The following ALPK1 variants were observed in gnomAD, a reference collection of about 807,000 sequenced individuals.
ALPK1 encodes alpha kinase 1.
Under a neutral mutation model 120.6 loss-of-function variants are expected in ALPK1, and 110 were observed. The ratio of observed to expected loss-of-function variants is 0.91; its 90% confidence interval spans 0.78 to 1.07. The LOEUF is 1.07. ALPK1 is among the 50% of genes least tolerant of loss of function. ALPK1 has a pLI of 0.00. For synonymous variants in ALPK1, 582 were observed against 560.3 expected, an observed-to-expected ratio of 1.04 and a Z score of -0.55; for missense variants, 1,498 against 1,483.9, an observed-to-expected ratio of 1.01 and a Z score of -0.16.
intron 1 of ALPK1, among the ~76,000 whole-genome samples, chr4:112,297,671 G>A (rs1727599387): frequency 6.6e-6 from 1 of 151,896 alleles, no homozygotes; most frequent in Non-Finnish European, 1.5e-5. Context: ...GGGGTGGAGT[G>A]GGGAAGGGGA....
chr4:112,395,173 A>G (rs1383727949), intron 4 of ALPK1, among the ~76,000 whole-genome samples: 1 of 152,204 alleles, frequency 6.6e-6, no homozygotes. Context: ...TGTTATACCC[A>G]TATTGCAGAT....
At chr4:112,393,933 T>G (rs1401782280) in intron 4 of ALPK1, among the ~76,000 whole-genome samples, 1 of 51,632 alleles carries the variant, frequency 1.9e-5, no homozygotes, top group Non-Finnish European at 3.9e-5. Flanking sequence ...GTGTGAAATA[T>G]ATATATATAT....
intron 5 of ALPK1, chr4:112,412,296 C>T: frequency 1.7e-6 from 1 of 599,088 alleles, no homozygotes; most frequent in Non-Finnish European, 3.1e-6. Flanking sequence ...TGTCTTCTAA[C>T]AAATCTGTCC....
chr4:112,376,431 T>A (rs1731665393), intron 2 of ALPK1, among the ~76,000 whole-genome samples: 1 of 152,142 alleles, frequency 6.6e-6, no homozygotes, highest in African/African-American at 2.4e-5. Context: ...ACAAAGTATA[T>A]GGAGATACGA....
intron 1 of ALPK1, among the ~76,000 whole-genome samples, chr4:112,313,023 C>T (rs1728477061): frequency 6.6e-6 from 1 of 152,198 alleles, no homozygotes; most frequent in Admixed American, 6.5e-5. Context: ...TTTCACTCTG[C>T]TGACAAGGTT....
At chr4:112,419,200 A>T (rs1052524) in intron 5 of ALPK1, among the ~76,000 whole-genome samples, 36,715 of 152,174 alleles carry the variant, frequency 0.24, 5,275 homozygotes, top group East Asian at 0.71. Flanking sequence ...GATATCTGTC[A>T]TTTTAAATAT....
At chr4:112,436,330 G>A (rs1734788261) in intron 12 of ALPK1, among the ~76,000 whole-genome samples, 1 of 152,178 alleles carries the variant, frequency 6.6e-6, no homozygotes, top group Admixed American at 6.5e-5. Flanking sequence ...TGAGGGAACT[G>A]AGTCACAGAG....
At chr4:112,405,697 T>A (rs1411342288) in intron 4 of ALPK1, among the ~76,000 whole-genome samples, 1 of 152,110 alleles carries the variant, frequency 6.6e-6, no homozygotes, top group Admixed American at 6.6e-5. Context: ...TGCCTCAGCC[T>A]CCCAAGTAGC....
At chr4:112,362,519 C>T (rs1038860503) in intron 2 of ALPK1, among the ~76,000 whole-genome samples, 7 of 151,906 alleles carry the variant, frequency 4.6e-5, no homozygotes, top group Admixed American at 1.3e-4. Context: ...TCAAATTAAA[C>T]CAATCTGACA....
intron 14 of ALPK1, 118 bp from the exon 15 acceptor site, chr4:112,440,799 A>C: frequency 3.0e-6 from 4 of 1,355,528 alleles, no homozygotes; most frequent in Non-Finnish European, 3.8e-6. Context: ...CAAGTTTTTG[A>C]ATTATCTCTT....
intron 2 of ALPK1, among the ~76,000 whole-genome samples, chr4:112,321,412 C>T (rs1234498271): frequency 6.6e-6 from 1 of 152,004 alleles, no homozygotes; most frequent in East Asian, 1.9e-4. Flanking sequence ...GTTCTTGTTT[C>T]TCTAGCTCCT....
At chr4:112,428,910 C>A (rs892672855) in intron 9 of ALPK1, among the ~76,000 whole-genome samples, 2 of 152,228 alleles carry the variant, frequency 1.3e-5, no homozygotes, top group Non-Finnish European at 2.9e-5. Context: ...AGAACTGCCA[C>A]CGTCCTCCAA....
At chr4:112,318,342 A>G (rs932223694) in intron 2 of ALPK1, among the ~76,000 whole-genome samples, 1 of 152,212 alleles carries the variant, frequency 6.6e-6, no homozygotes, top group Non-Finnish European at 1.5e-5. Flanking sequence ...CATCAGTCCT[A>G]TGAGGAAGTG....
At chr4:112,391,605 C>T (rs1732424312) in intron 4 of ALPK1, among the ~76,000 whole-genome samples, 1 of 152,034 alleles carries the variant, frequency 6.6e-6, no homozygotes, top group Non-Finnish European at 1.5e-5. Flanking sequence ...TGTGAGAATA[C>T]CTAGAGACAT....
intron 2 of ALPK1, among the ~76,000 whole-genome samples, chr4:112,316,976 CA>C (rs1443866010): frequency 1.3e-5 from 2 of 152,034 alleles, no homozygotes; most frequent in Non-Finnish European, 2.9e-5. Flanking sequence ...TAAACAACAA[CA>C]AAAAAACTTT....
At chr4:112,308,685 G>T (rs1299669094) in intron 1 of ALPK1, among the ~76,000 whole-genome samples, 2 of 152,028 alleles carry the variant, frequency 1.3e-5, no homozygotes, top group African/African-American at 4.8e-5. Flanking sequence ...TCTTTGCAAT[G>T]GGTTCGAACT....
chr4:112,431,482 T>A lies in ALPK1; in HGVS notation c.1935T>A (p.Leu645=). The A allele has an allele frequency of 6.2e-7, 1 of 1,614,190 alleles. No individual in the cohort carries two copies. ...CTATGCATTCATTGCATTCACAGCT[T>A]CATGATCTCTCTCTTCAGGAACCCA... ...GRAMHSLHSQ[L]HDLSLQEPNN... Residue 645 remains leucine (L), a synonymous_variant, in exon 11 of 16, where the codon CTT becomes CTA. Transcript: ENST00000650871.
intron 4 of ALPK1, among the ~76,000 whole-genome samples, chr4:112,386,440 C>T (rs1347071385): frequency 6.6e-6 from 1 of 152,206 alleles, no homozygotes; most frequent in Non-Finnish European, 1.5e-5. Flanking sequence ...TATGCCCTCT[C>T]CCTAGGTAGA....
intron 2 of ALPK1, among the ~76,000 whole-genome samples, chr4:112,348,942 C>G (rs1434352663): frequency 6.6e-6 from 1 of 152,222 alleles, no homozygotes. Flanking sequence ...GATGGAGGCT[C>G]TTCTTTCCTG....
Sources: gnomAD v4.1 joint callset for allele counts (sites outside exome capture counted in the v4.1 genomes callset) on GRCh38, gnomAD v4.1.1 for gene constraint, MANE v1.5 for transcripts, NCBI Gene and HGNC (gene_info 2026-07-23, HGNC 2026-07-21) for gene names.